Variants in PPA1 observed in about 807,000 individuals in gnomAD.
PPA1 encodes the protein inorganic pyrophosphatase.
A neutral mutation model predicts 41.8 loss-of-function variants in PPA1; 23 were observed. The observed-to-expected ratio is 0.55, with a 90% CI of 0.40 to 0.78. PPA1 has a LOEUF of 0.78. Ranked by LOEUF, PPA1 falls within the 30% of genes least tolerant of loss-of-function variation. The probability of loss-of-function intolerance (pLI) is 0.00; values close to 1 mark genes in which losing one functional copy is unlikely to be tolerated. For synonymous variants in PPA1, 101 were observed against 116.8 expected (o/e 0.86, Z 0.87); for missense variants, 320 against 361.6 (o/e 0.89, Z 0.93).
intron 2 of PPA1, among the ~76,000 whole-genome samples, chr10:70,227,436 A>C (rs573485768): frequency 9.9e-5 from 15 of 152,206 alleles, no homozygotes; most frequent in African/African-American, 3.4e-4. Flanking sequence ...GATCGCTTGA[A>C]ACCAGGAGTT....
At position 70,229,735 on chromosome 10, in the gene PPA1, T is replaced by G. The variant is rs191626418; in HGVS notation, c.123+606A>C. ...ACCTGGTTTATTTTAGAACCAGTAA[T>G]GAAGTATTACGACTTTAGTTCCAAA... On this transcript the variant is annotated intron_variant, in intron 2 of 10. Transcript: ENST00000373232. Among the ~76,000 whole-genome samples the G allele has an allele frequency of 8.9e-4, 135 of 152,332 alleles. 1 individual carries two copies. Among genetic ancestry groups the G allele is most frequent in the Admixed American group, 3.8e-3 (58 of 15,296 alleles).
chr10:70,228,526 T>A (rs758600582), intron 2 of PPA1, among the ~76,000 whole-genome samples: 9 of 152,188 alleles, frequency 5.9e-5, no homozygotes, highest in Admixed American at 1.3e-4. Context: ...CATGCTATTA[T>A]ACAACAAGCA....
chr10:70,233,363 C>T lies in PPA1; in HGVS notation c.-36G>A. The stretch of plus-strand genomic sequence containing the variant: ...TCCTGCCGCCGCCGCTGCCACAGAG[C>T]CACCAGCCCGCACGCGGCGCCGACT... On this transcript the variant is annotated 5_prime_UTR_variant, in exon 1 of 11. Transcript: ENST00000373232. The T allele has an allele frequency of 1.3e-6, 2 of 1,529,442 alleles. No individual in the cohort carries two copies. The highest frequency in any genetic ancestry group is 8.8e-7 in the Non-Finnish European group (1 of 1,140,990). 94.7% of individuals were successfully genotyped at this position (1,529,442 alleles called of 1,614,324 possible). A position where few individuals can be genotyped will look rare whatever the true frequency, so the allele number is the denominator to read the frequency against.
At chr10:70,206,599 A>C (rs1478500918) in intron 8 of PPA1, among the ~76,000 whole-genome samples, 1 of 151,692 alleles carries the variant, frequency 6.6e-6, no homozygotes, top group Non-Finnish European at 1.5e-5. Context: ...TAATTCCAGC[A>C]CTTTGGGAGG....
intron 8 of PPA1, among the ~76,000 whole-genome samples, chr10:70,208,972 T>C (rs1440113457): frequency 6.6e-6 from 1 of 152,054 alleles, no homozygotes; most frequent in Non-Finnish European, 1.5e-5. Flanking sequence ...TTTTGTACTT[T>C]TTGTAGAGAC....
chr10:70,232,464 C>G (rs1840298808), intron 1 of PPA1, among the ~76,000 whole-genome samples: 1 of 152,198 alleles, frequency 6.6e-6, no homozygotes, highest in African/African-American at 2.4e-5. Context: ...CCCTAAGGAG[C>G]GTGGAGGGCG....
intron 10 of PPA1, chr10:70,203,633 C>G (rs1215402469): frequency 1.9e-5 from 3 of 156,814 alleles, no homozygotes; most frequent in Non-Finnish European, 4.2e-5. Flanking sequence ...GTCTCGAACT[C>G]CTGGGCTCAA....
intron 2 of PPA1, among the ~76,000 whole-genome samples, chr10:70,221,152 T>C (rs1215848791): frequency 4.8e-4 from 64 of 132,706 alleles, no homozygotes; most frequent in Non-Finnish European, 7.7e-4. Context: ...TTTAAGAACT[T>C]AACTTAAAAT....
intron 8 of PPA1, among the ~76,000 whole-genome samples, chr10:70,206,912 GA>G (rs1172626931): frequency 7.8e-6 from 1 of 128,956 alleles, no homozygotes; most frequent in African/African-American, 3.1e-5. Flanking sequence ...GAGGACGAAA[GA>G]AACTGAGATT....
At chr10:70,229,746 G>A (rs1040482014) in intron 2 of PPA1, among the ~76,000 whole-genome samples, 3 of 151,778 alleles carry the variant, frequency 2.0e-5, no homozygotes, top group East Asian at 1.9e-4. Context: ...GAAGTATTAC[G>A]ACTTTAGTTC....
chr10:70,227,071 T>G (rs891284821), intron 2 of PPA1, among the ~76,000 whole-genome samples: 4 of 152,242 alleles, frequency 2.6e-5, no homozygotes, highest in African/African-American at 9.6e-5. Context: ...ATCTACCCAG[T>G]GTTTCATACT....
Position 70,204,890 on chromosome 10 carries a change from C to A in PPA1, c.821G>T (p.Cys274Phe). The change falls in exon 10 of 11, where the codon TGC becomes TTC. Residue 274 changes from cysteine to phenylalanine, a missense_variant. By Grantham distance (205) the Cys-to-Phe change is radical. Transcript: ENST00000373232. ...AATCTTACCGTCTGTTGGTACTGTG[C>A]AGGCAGATTCACAGGGTGGTGGTAA... ...DALPPPCESACTVPTDVDKWF... is the reference protein window; with the variant it reads ...DALPPPCESAFTVPTDVDKWF... 6.3e-7 allele frequency: 1 copy of A among 1,596,266 alleles called. No individual in the cohort carries two copies. Among genetic ancestry groups the A allele is most frequent in the Non-Finnish European group, 8.6e-7 (1 of 1,167,358 alleles).
intron 2 of PPA1, among the ~76,000 whole-genome samples, chr10:70,220,076 C>T (rs914815828): frequency 6.7e-6 from 1 of 149,886 alleles, no homozygotes; most frequent in Non-Finnish European, 1.5e-5. Flanking sequence ...AACACAGGGG[C>T]GTGCCACTAC....
In PPA1 at chr10:70,233,348, G is replaced by A; in HGVS notation, c.-21C>T. 2 of 1,532,518 alleles carry A rather than the reference G, an allele frequency of 1.3e-6. No individual in the cohort carries two copies. Among genetic ancestry groups the A allele is most frequent in the Non-Finnish European group, 8.8e-7 (1 of 1,141,872 alleles). 94.9% of individuals were successfully genotyped at this position (1,532,518 alleles called of 1,614,324 possible). ...CTCATAGTGCCGGAGTCCTGCCGCCGCCGCTGCCACAGAGCCACCAGCCCG... is the reference window on the plus strand; with the variant it reads ...CTCATAGTGCCGGAGTCCTGCCGCCACCGCTGCCACAGAGCCACCAGCCCG... On this transcript the variant is annotated 5_prime_UTR_variant, in exon 1 of 11. Transcript: ENST00000373232.
In PPA1 at chr10:70,225,820, G is replaced by T. The variant is rs114803222; in HGVS notation, c.123+4521C>A. On this transcript the variant is annotated intron_variant, in intron 2 of 10. Coordinates refer to ENST00000373232, the MANE Select transcript of PPA1 (RefSeq NM_021129.4). ...TTATCTTATTCACTGCTCACCAAAT[G>T]ACAATGGCTCTTAATTCTAAGTTTT... Among the ~76,000 whole-genome samples, 704 of 152,190 alleles carry T rather than the reference G, an allele frequency of 4.6e-3. 6 individuals carry two copies. The highest frequency in any genetic ancestry group is 0.016 in the African/African-American group (676 of 41,530).
At chr10:70,209,751 G>T in intron 6 of PPA1, 66 bp from the exon 7 acceptor site, 3 of 1,491,386 alleles carry the variant, frequency 2.0e-6, no homozygotes, top group Non-Finnish European at 2.7e-6. Flanking sequence ...AAGAGAATAA[G>T]CAGATTTCAA....
intron 1 of PPA1, among the ~76,000 whole-genome samples, chr10:70,232,745 G>A (rs1416351157): frequency 6.6e-6 from 1 of 152,110 alleles, no homozygotes; most frequent in African/African-American, 2.4e-5. Flanking sequence ...GACGGCTCCC[G>A]ATCCGGGCCT....
At chr10:70,229,108 TA>T (rs1332261885) in intron 2 of PPA1, among the ~76,000 whole-genome samples, 1 of 152,204 alleles carries the variant, frequency 6.6e-6, no homozygotes, top group Non-Finnish European at 1.5e-5. Context: ...AGTTGCTAAA[TA>T]CAGTACAAAC....
intron 4 of PPA1, 125 bp from the exon 5 acceptor site, chr10:70,214,711 G>A (rs1161095185): frequency 2.4e-5 from 17 of 709,410 alleles, no homozygotes; most frequent in East Asian, 5.5e-5. Flanking sequence ...TTCTTTATTC[G>A]CATTTAAGAA....
Sources: allele counts gnomAD v4.1 joint callset (sites outside exome capture counted in the v4.1 genomes callset), GRCh38; gene constraint gnomAD v4.1.1; transcripts MANE v1.5; gene names NCBI Gene and HGNC (gene_info 2026-07-23, HGNC 2026-07-21).